Variants in DNAH5 observed in about 807,000 individuals in gnomAD.
DNAH5 encodes axonemal beta dynein heavy chain 5.
DNAH5 carries 372 observed loss-of-function variants against 518.2 expected under a neutral mutation model. That is an observed-to-expected ratio of 0.72 (90% CI 0.66 to 0.78). The LOEUF (loss-of-function observed/expected upper bound fraction) is 0.78, where lower values mean the gene tolerates loss of function less well. Ranked by LOEUF, DNAH5 falls within the 30% of genes least tolerant of loss-of-function variation. The pLI is 0.00. For missense variants in DNAH5, 5,523 were observed against 5,687.0 expected, an observed-to-expected ratio of 0.97 and a Z score of 0.93; for synonymous variants, 2,039 against 2,025.9, an observed-to-expected ratio of 1.01 and a Z score of -0.17.
intron 17 of DNAH5, among the ~76,000 whole-genome samples, chr5:13,887,877 A>T (rs1357942179): frequency 6.6e-6 from 1 of 152,078 alleles, no homozygotes; most frequent in African/African-American, 2.4e-5. Context: ...CTGGGAATTC[A>T]TGGTCCCCAA....
rs1356949503 is a variant in DNAH5, at chr5:13,762,986, TACTGA to T, written c.10102-90_10102-86del. 6.0e-6 allele frequency: 7 copies of T among 1,166,968 alleles called. No individual in the cohort carries two copies. The East Asian group carries it at 1.4e-4, about 24-fold the overall frequency. The allele number at this position is 1,166,968 out of a possible 1,614,324, so 72.3% of individuals were successfully genotyped here. On this transcript the variant is annotated intron_variant, in intron 59 of 78. Coordinates refer to ENST00000265104, the MANE Select transcript of DNAH5 (RefSeq NM_001369.3). ...ATCATGCTCTCAATGCCACTGAAACTACTGAACGACCACAAATGAATGAAGGGCAT... is the reference window on the plus strand; with the variant it reads ...ATCATGCTCTCAATGCCACTGAAACTACGACCACAAATGAATGAAGGGCAT...
chr5:13,729,384 A>T, intron 69 of DNAH5, 55 bp downstream of exon 69: 1 of 1,610,358 alleles, frequency 6.2e-7, no homozygotes. Context: ...CCTAGTGATA[A>T]ATCAGAAAGC....
intron 38 of DNAH5, among the ~76,000 whole-genome samples, chr5:13,825,851 T>A (rs1040769187): frequency 1.3e-5 from 2 of 152,230 alleles, no homozygotes; most frequent in African/African-American, 4.8e-5. Flanking sequence ...ATAGTAAATT[T>A]AATTTTATAT....
At chr5:13,903,436 CAATT>C (rs1251058196) in intron 12 of DNAH5, among the ~76,000 whole-genome samples, 3 of 151,606 alleles carry the variant, frequency 2.0e-5, no homozygotes, top group African/African-American at 7.3e-5. Flanking sequence ...GAATTTTCCA[CAATT>C]AAAAAAAGAC....
At chr5:13,815,836 T>C (rs1347076663) in intron 42 of DNAH5, among the ~76,000 whole-genome samples, 2 of 152,044 alleles carry the variant, frequency 1.3e-5, no homozygotes, top group Non-Finnish European at 1.5e-5. Flanking sequence ...GGGCTGGAGA[T>C]TAAAATGTGA....
At chr5:13,823,520 T>C in intron 39 of DNAH5, 150 bp from the exon 40 acceptor site, 1 of 638,100 alleles carries the variant, frequency 1.6e-6, no homozygotes, top group Non-Finnish European at 2.8e-6. Context: ...AAGAAACATT[T>C]TCCTCATCTT....
In DNAH5 at chr5:13,771,222, T is replaced by C. The variant is rs2401806; in HGVS notation, c.9374-242A>G. ...CCTATCAACACTCTTTGTTGCCTGG[T>C]GCTTGTGCAGAGACATCTCTTCTAC... On this transcript the variant is annotated intron_variant, in intron 55 of 78. Coordinates refer to ENST00000265104, the MANE Select transcript of DNAH5 (RefSeq NM_001369.3). The C allele has an allele frequency of 0.35, 173,596 of 500,052 alleles. 30,602 individuals are homozygous for C. The highest frequency in any genetic ancestry group is 0.41 in the Middle Eastern group (723 of 1,784). 31.0% of individuals were successfully genotyped at this position (500,052 alleles called of 1,614,324 possible).
chr5:13,919,418 G>A lies in DNAH5; in HGVS notation c.799-66C>T. ...CTGGAGACGCTAAAGTTATAAACAA[G>A]CAAAAAACAAATAAGGAAATCAATT... On this transcript the variant is annotated intron_variant, in intron 6 of 78. Transcript: ENST00000265104. 6.4e-6 allele frequency: 10 copies of A among 1,564,738 alleles called. No homozygotes were observed. The Admixed American group carries it at 7.1e-5, about 11-fold the overall frequency.
Position 13,859,480 on chromosome 5 carries a change from C to T in DNAH5, c.4922G>A (p.Gly1641Glu). 1 of 1,614,038 alleles carries T rather than the reference C, an allele frequency of 6.2e-7. No homozygotes were observed. The highest frequency in any genetic ancestry group is 8.5e-7 in the Non-Finnish European group (1 of 1,179,938). Reference protein sequence around the residue: ...LWIYLEAVFVGGDIAKQLPKE... With the variant: ...LWIYLEAVFVEGDIAKQLPKE... ...GGGCAGCTGCTTGGCAATGTCTCCT[C>T]CCACAAAGACAGCTTCTAAATAAAT... The change falls in exon 30 of 79, where the codon GGA becomes GAA. Residue 1641 changes from glycine (G) to glutamate (E), a missense_variant. By Grantham distance (98) the Gly-to-Glu change is moderately conservative (BLOSUM62 -2). Transcript: ENST00000265104.
intron 12 of DNAH5, among the ~76,000 whole-genome samples, chr5:13,904,403 GATAT>G: frequency 6.8e-6 from 1 of 147,796 alleles, no homozygotes; most frequent in Non-Finnish European, 1.5e-5. Flanking sequence ...ATAAATTATA[GATAT>G]ATATATTATA....
At chr5:13,978,050 T>G (rs1056357045) in intron 1 of DNAH5, among the ~76,000 whole-genome samples, 1 of 152,114 alleles carries the variant, frequency 6.6e-6, no homozygotes, top group African/African-American at 2.4e-5. Context: ...AGGTGCAGCT[T>G]TGAGGCCCAA....
At chr5:13,823,498 T>C in intron 39 of DNAH5, 128 bp from the exon 40 acceptor site, 1 of 665,718 alleles carries the variant, frequency 1.5e-6, no homozygotes, top group Middle Eastern at 3.9e-4. Flanking sequence ...ACATATCACC[T>C]TTATTGAAGT....
chr5:13,890,248 A>G (rs1184609198), intron 17 of DNAH5, among the ~76,000 whole-genome samples: 1 of 152,016 alleles, frequency 6.6e-6, no homozygotes, highest in Non-Finnish European at 1.5e-5. Flanking sequence ...CTCTACTAAA[A>G]TACAAAAAAT....
Position 13,788,566 on chromosome 5 carries a change from A to G in DNAH5, c.8647+150T>C. The G allele has an allele frequency of 8.8e-6, 6 of 683,368 alleles. No homozygotes were observed. The South Asian group carries it at 1.0e-4, about 12-fold the overall frequency. The allele number at this position is 683,368 out of a possible 1,614,324, so 42.3% of individuals were successfully genotyped here. A position where few individuals can be genotyped will look rare whatever the true frequency, so the allele number is the denominator to read the frequency against. On this transcript the variant is annotated intron_variant, in intron 51 of 78. Transcript: ENST00000265104. ...GATAATGCATTAATTCACTCATCCT[A>G]GTTTTATTGAGCATCTACTGTGTCT...
chr5:13,988,744 C>T (rs140732098), intron 1 of DNAH5, among the ~76,000 whole-genome samples: 1,244 of 62,590 alleles, frequency 0.02, 26 homozygotes, highest in African/African-American at 0.07. Flanking sequence ...TTTTTTGAGA[C>T]AGAGTCTTAC....
intron 35 of DNAH5, among the ~76,000 whole-genome samples, chr5:13,834,240 A>G (rs1366983202): frequency 2.0e-5 from 3 of 152,196 alleles, no homozygotes; most frequent in Non-Finnish European, 4.4e-5. Flanking sequence ...TTTAATATAA[A>G]AAAAATACAA....
In DNAH5 at chr5:13,919,095, T is replaced by G. The variant is rs1179919630; in HGVS notation, c.975+81A>C. 7.7e-6 allele frequency: 12 copies of G among 1,549,812 alleles called. No homozygotes were observed. The East Asian group carries it at 2.5e-4, about 32-fold the overall frequency. On this transcript the variant is annotated intron_variant, in intron 7 of 78. Coordinates refer to ENST00000265104, the MANE Select transcript of DNAH5 (RefSeq NM_001369.3). ...TCAAGGTATAATAACATTTTTTTGT[T>G]CCTAATCACTCTATGCCTTGAAAAT...
At chr5:13,770,517 G>T (rs1753188773) in intron 56 of DNAH5, among the ~76,000 whole-genome samples, 1 of 152,156 alleles carries the variant, frequency 6.6e-6, no homozygotes, top group African/African-American at 2.4e-5. Flanking sequence ...CAGCACCACG[G>T]ACATTTGGGG....
intron 25 of DNAH5, among the ~76,000 whole-genome samples, chr5:13,867,067 G>A (rs1410804079): frequency 3.3e-5 from 5 of 152,126 alleles, no homozygotes; most frequent in African/African-American, 1.2e-4. Flanking sequence ...GCTGTGGAAA[G>A]GAGGACAATT....
Sources: gnomAD v4.1 joint callset for allele counts (sites outside exome capture counted in the v4.1 genomes callset) on GRCh38, gnomAD v4.1.1 for gene constraint, MANE v1.5 for transcripts, NCBI Gene and HGNC (gene_info 2026-07-23, HGNC 2026-07-21) for gene names.